Variants in RYR2 observed in about 807,000 individuals in gnomAD.
RYR2 encodes cardiac muscle ryanodine receptor-calcium release channel.
RYR2 carries 227 observed loss-of-function variants against 601.1 expected under a neutral mutation model. The observed-to-expected ratio is 0.38, with a 90% CI of 0.34 to 0.42. RYR2 has a LOEUF of 0.42. RYR2 is among the 10% of genes least tolerant of loss of function. The probability of loss-of-function intolerance (pLI) is 1.00; values close to 1 mark genes in which losing one functional copy is unlikely to be tolerated. For missense variants in RYR2, 4,646 were observed against 6,156.5 expected (o/e 0.75, Z 8.21); for synonymous variants, 2,223 against 2,175.1 (o/e 1.02, Z -0.61).
At position 237,136,961 on chromosome 1, in the gene RYR2, G is replaced by A. The variant is rs995463007; in HGVS notation, c.48+94392G>A. On this transcript the variant is annotated intron_variant, in intron 1 of 104. Transcript: ENST00000366574. Reference sequence around the variant, plus strand: ...GAACCAAGGAGGCAGAGGTTGCAGTGAGCCGAGATCATGCCACTGCACTCC... The same window carrying A: ...GAACCAAGGAGGCAGAGGTTGCAGTAAGCCGAGATCATGCCACTGCACTCC... 4.8e-5 allele frequency among the ~76,000 whole-genome samples: 7 copies of A among 144,974 alleles called. No individual in the cohort carries two copies. The East Asian group carries it at 1.4e-3, about 30-fold the overall frequency.
intron 1 of RYR2, among the ~76,000 whole-genome samples, chr1:237,052,485 A>C (rs1661398111): frequency 6.6e-6 from 1 of 152,228 alleles, no homozygotes; most frequent in African/African-American, 2.4e-5. Flanking sequence ...TTAAAGTTTC[A>C]ATGAAATGCC....
intron 97 of RYR2, among the ~76,000 whole-genome samples, chr1:237,799,590 TTAGAAGAATA>T (rs1179477909): frequency 6.6e-6 from 1 of 152,102 alleles, no homozygotes; most frequent in Admixed American, 6.5e-5. Context: ...GAGAATAAAA[TTAGAAGAATA>T]AAGTTCTGGT....
chr1:237,767,666 A>G (rs1693945270), intron 84 of RYR2, among the ~76,000 whole-genome samples: 1 of 152,176 alleles, frequency 6.6e-6, no homozygotes, highest in Admixed American at 6.5e-5. Flanking sequence ...CTGTAAGCTT[A>G]TTTTTTAAAT....
chr1:237,214,922 A>G (rs1683003577), intron 1 of RYR2, among the ~76,000 whole-genome samples: 1 of 152,214 alleles, frequency 6.6e-6, no homozygotes, highest in Non-Finnish European at 1.5e-5. Flanking sequence ...GTATATATCT[A>G]GGAGTTTGAA....
At position 237,155,004 on chromosome 1, in the gene RYR2, G is replaced by T. The variant is rs539312246; in HGVS notation, c.48+112435G>T. 9.2e-5 allele frequency among the ~76,000 whole-genome samples: 14 copies of T among 152,100 alleles called. No homozygotes were observed. The South Asian group carries it at 2.3e-3, about 25-fold the overall frequency. On this transcript the variant is annotated intron_variant, in intron 1 of 104. Coordinates refer to ENST00000366574, the MANE Select transcript of RYR2 (RefSeq NM_001035.3). Reference sequence around the variant, plus strand: ...TACTAAGCTTCAGATGCCACTGGGCGCCAGTTGCTTTCCAAGCCTCAAGGA... The same window carrying T: ...TACTAAGCTTCAGATGCCACTGGGCTCCAGTTGCTTTCCAAGCCTCAAGGA...
chr1:237,582,732 G>A (rs564880719), intron 29 of RYR2, among the ~76,000 whole-genome samples: 157 of 144,844 alleles, frequency 1.1e-3, no homozygotes, highest in African/African-American at 3.8e-3. Flanking sequence ...CTATGTAGCT[G>A]CAGAGGACAT....
At chr1:237,316,695 C>T (rs1695150441) in intron 2 of RYR2, among the ~76,000 whole-genome samples, 1 of 152,222 alleles carries the variant, frequency 6.6e-6, no homozygotes, top group Non-Finnish European at 1.5e-5. Flanking sequence ...ATCCATTTTT[C>T]CCTTCCCTTG....
At chr1:237,803,821 T>G (rs543729506) in intron 98 of RYR2, among the ~76,000 whole-genome samples, 2 of 152,232 alleles carry the variant, frequency 1.3e-5, no homozygotes, top group Non-Finnish European at 2.9e-5. Context: ...TGCTGAATCT[T>G]GGTCCTGTTT....
At chr1:237,286,505 C>A (rs1691574511) in intron 2 of RYR2, among the ~76,000 whole-genome samples, 1 of 45,286 alleles carries the variant, frequency 2.2e-5, no homozygotes, top group Admixed American at 2.4e-4. Flanking sequence ...ATGAAATGCT[C>A]CGTATATATC....
chr1:237,631,388 G>A, intron 41 of RYR2, 39 bp from the exon 42 acceptor site: 3 of 1,278,684 alleles, frequency 2.3e-6, no homozygotes, highest in Non-Finnish European at 3.4e-6. Context: ...TTTAGATGTT[G>A]CTCTGAGCTT....
At chr1:237,821,212 C>A (rs1558485193) in intron 101 of RYR2, among the ~76,000 whole-genome samples, 2 of 152,058 alleles carry the variant, frequency 1.3e-5, no homozygotes, top group Non-Finnish European at 2.9e-5. Flanking sequence ...GGTCCCTGAC[C>A]CCCATGTATC....
rs534009665 is a variant in RYR2, at chr1:237,635,063, A to G, written c.6792+71A>G. On this transcript the variant is annotated intron_variant, in intron 44 of 104. Coordinates refer to ENST00000366574, the MANE Select transcript of RYR2 (RefSeq NM_001035.3). ...TCACGGTTTTCTCAATATTTTAAAT[A>G]TAAGTAAGGTTGGTGCAGAAGTCAT... 2.9e-4 allele frequency: 355 copies of G among 1,210,874 alleles called. 2 individuals are homozygous for G. In the African/African-American group the frequency reaches 4.7e-3, roughly 16 times the overall value. The allele number at this position is 1,210,874 out of a possible 1,614,324, so 75.0% of individuals were successfully genotyped here. A position where few individuals can be genotyped will look rare whatever the true frequency, so the allele number is the denominator to read the frequency against.
chr1:237,311,512 C>T (rs1694565680), intron 2 of RYR2, among the ~76,000 whole-genome samples: 1 of 150,372 alleles, frequency 6.7e-6, no homozygotes, highest in Non-Finnish European at 1.5e-5. Flanking sequence ...CTGGATCTCA[C>T]TCTGTGACCC....
Position 237,621,996 on chromosome 1 carries a change from T to C in RYR2, c.5917-1769T>C, listed in dbSNP as rs539781212. Among the ~76,000 whole-genome samples, 9 of 152,314 alleles carry C rather than the reference T, an allele frequency of 5.9e-5. No homozygotes were observed. The South Asian group carries it at 1.9e-3, about 32-fold the overall frequency. On this transcript the variant is annotated intron_variant, in intron 38 of 104. Transcript: ENST00000366574. ...TAATGTTGCTATCCTGGTTATGAGATTGTACTACAGTTTTGCAAAGTGTTA... is the reference window on the plus strand; with the variant it reads ...TAATGTTGCTATCCTGGTTATGAGACTGTACTACAGTTTTGCAAAGTGTTA...
chr1:237,718,135 G>A (rs951897871), intron 72 of RYR2, among the ~76,000 whole-genome samples: 6 of 152,202 alleles, frequency 3.9e-5, no homozygotes, highest in African/African-American at 9.6e-5. Context: ...AAATGACTTC[G>A]TGGAGATTTG....
chr1:237,297,081 G>GA (rs1314820735), intron 2 of RYR2, among the ~76,000 whole-genome samples: 1 of 151,998 alleles, frequency 6.6e-6, no homozygotes, highest in Non-Finnish European at 1.5e-5. Flanking sequence ...AATGTATCTG[G>GA]AAAAAATCAG....
In RYR2 at chr1:237,786,040, T is replaced by G; in HGVS notation, c.13328+4T>G. On this transcript the variant is annotated splice_donor_region_variant and intron_variant, in intron 91 of 104. Coordinates refer to ENST00000366574, the MANE Select transcript of RYR2 (RefSeq NM_001035.3). ...AATCTGAACCTGAAAAAGCCGAGTATGTATAGTTTGCATATACTTTTCCTT... is the reference window on the plus strand; with the variant it reads ...AATCTGAACCTGAAAAAGCCGAGTAGGTATAGTTTGCATATACTTTTCCTT... The G allele has an allele frequency of 1.9e-6, 3 of 1,560,908 alleles. No homozygotes were observed. The highest frequency in any genetic ancestry group is 2.6e-6 in the Non-Finnish European group (3 of 1,144,494).
chr1:237,350,305 G>A (rs1283271175), intron 3 of RYR2, among the ~76,000 whole-genome samples: 2 of 151,824 alleles, frequency 1.3e-5, no homozygotes, highest in African/African-American at 4.8e-5. Flanking sequence ...GCTGGGCGCT[G>A]TGGCTCATGC....
chr1:237,194,786 TG>T, intron 1 of RYR2, among the ~76,000 whole-genome samples: 1 of 152,224 alleles, frequency 6.6e-6, no homozygotes, highest in East Asian at 1.9e-4. Context: ...AGGTTTTAGC[TG>T]TAAGTTTCCA....
Sources: gnomAD v4.1 joint callset for allele counts (sites outside exome capture counted in the v4.1 genomes callset) on GRCh38, gnomAD v4.1.1 for gene constraint, MANE v1.5 for transcripts, NCBI Gene and HGNC (gene_info 2026-07-23, HGNC 2026-07-21) for gene names.